Variants in VTA1 observed in about 807,000 individuals in gnomAD.
VTA1 encodes the protein vesicle trafficking 1, also known as vacuolar protein sorting-associated protein VTA1 homolog.
Under a neutral mutation model 36.9 loss-of-function variants are expected in VTA1, and 24 were observed. The ratio of observed to expected loss-of-function variants is 0.65; its 90% CI spans 0.47 to 0.91. VTA1 has a LOEUF of 0.91. VTA1 is among the 40% of genes least tolerant of loss of function. The probability of loss-of-function intolerance (pLI) is 0.00; values close to 1 mark genes in which losing one functional copy is unlikely to be tolerated. For synonymous variants in VTA1, 142 were observed against 130.2 expected (o/e 1.09, Z -0.62); for missense variants, 393 against 377.2 (o/e 1.04, Z -0.35).
chr6:142,192,832 T>TAC (rs1491513845), intron 5 of VTA1, among the ~76,000 whole-genome samples: 1 of 151,876 alleles, frequency 6.6e-6, no homozygotes, highest in Non-Finnish European at 1.5e-5. Context: ...AGGATATCAT[T>TAC]ATATATATAT....
chr6:142,208,351 CAGTG>C (rs1397570347), intron 7 of VTA1, among the ~76,000 whole-genome samples: 1 of 151,874 alleles, frequency 6.6e-6, no homozygotes, highest in African/African-American at 2.4e-5. Context: ...AGAAAAAAAT[CAGTG>C]AGCTCAAAGA....
intron 4 of VTA1, among the ~76,000 whole-genome samples, chr6:142,177,474 G>A (rs551427818): frequency 6.6e-6 from 1 of 152,028 alleles, no homozygotes; most frequent in African/African-American, 2.4e-5. Context: ...AAAGTGCCTA[G>A]CATGTAAGTG....
At chr6:142,188,322 C>G (rs1775387197) in intron 4 of VTA1, among the ~76,000 whole-genome samples, 1 of 130,340 alleles carries the variant, frequency 7.7e-6, no homozygotes, top group Non-Finnish European at 1.6e-5. Flanking sequence ...TCAAGTGATT[C>G]TCCTGCCTCA....
intron 1 of VTA1, among the ~76,000 whole-genome samples, chr6:142,161,081 C>CG (rs1014104349): frequency 1.5e-5 from 2 of 136,662 alleles, no homozygotes; most frequent in East Asian, 2.7e-4. Flanking sequence ...CCTTCCTTCC[C>CG]CCCCCCCCCT....
chr6:142,197,243 A>G (rs1775569108), intron 5 of VTA1, among the ~76,000 whole-genome samples: 1 of 152,316 alleles, frequency 6.6e-6, no homozygotes, highest in Middle Eastern at 3.4e-3. Flanking sequence ...TACATCCACA[A>G]GGTTGCTTGA....
rs1776113294 is a variant in VTA1, at chr6:142,221,702, C to T, written c.*3059C>T. ...GGGGCGGTGGTTCGCACCTGCAATC[C>T]CAGCACTTTGGGAGCCAAGGCAGGC... On this transcript the variant is annotated 3_prime_UTR_variant, in exon 8 of 8. Coordinates refer to ENST00000367630, the MANE Select transcript of VTA1 (RefSeq NM_016485.5). 2.0e-5 allele frequency: 3 copies of T among 151,188 alleles called. No homozygotes were observed. The highest frequency in any genetic ancestry group is 7.3e-5 in the African/African-American group (3 of 41,206). The allele number at this position is 151,188 out of a possible 1,614,324, so 9.4% of individuals were successfully genotyped here. A position where few individuals can be genotyped will look rare whatever the true frequency, so the allele number is the denominator to read the frequency against.
chr6:142,167,733 G>A (rs943275718), intron 2 of VTA1, among the ~76,000 whole-genome samples: 2 of 152,206 alleles, frequency 1.3e-5, no homozygotes, highest in African/African-American at 2.4e-5. Flanking sequence ...TGGCAGCACT[G>A]AGGAAATTCA....
intron 5 of VTA1, among the ~76,000 whole-genome samples, chr6:142,198,117 A>ATGTGTGTGTGTGTGTGTGTGTG (rs1265860816): frequency 7.6e-5 from 6 of 78,634 alleles, no homozygotes; most frequent in African/African-American, 2.4e-4. Flanking sequence ...ATATATATAT[A>ATGTGTGTGTGTGTGTGTGTGTG]TATGTGTGTG....
At chr6:142,173,727 A>G (rs887317254) in intron 4 of VTA1, among the ~76,000 whole-genome samples, 2 of 152,308 alleles carry the variant, frequency 1.3e-5, no homozygotes, top group Non-Finnish European at 2.9e-5. Flanking sequence ...TACATAAGCT[A>G]CATTAATTTA....
intron 7 of VTA1, 114 bp from the exon 8 acceptor site, chr6:142,218,384 C>A: frequency 9.2e-7 from 1 of 1,084,484 alleles, no homozygotes; most frequent in South Asian, 1.6e-5. Flanking sequence ...ACTAAAACTA[C>A]TGTTTTTACA....
chr6:142,178,643 T>C (rs1335088726), intron 4 of VTA1, among the ~76,000 whole-genome samples: 1 of 152,060 alleles, frequency 6.6e-6, no homozygotes, highest in Admixed American at 6.6e-5. Flanking sequence ...CATATATATA[T>C]TTGGCAAACT....
chr6:142,210,494 C>A (rs938135128), intron 7 of VTA1, among the ~76,000 whole-genome samples: 1 of 152,066 alleles, frequency 6.6e-6, no homozygotes, highest in African/African-American at 2.4e-5. Context: ...AAAAGACAAC[C>A]CATGGAATGG....
intron 6 of VTA1, among the ~76,000 whole-genome samples, chr6:142,199,423 T>C (rs1020306914): frequency 6.6e-6 from 1 of 152,148 alleles, no homozygotes; most frequent in Admixed American, 6.5e-5. Flanking sequence ...AAAATTTACT[T>C]TTATCCCAGG....
intron 4 of VTA1, among the ~76,000 whole-genome samples, chr6:142,187,947 G>A (rs1270760998): frequency 7.1e-6 from 1 of 141,024 alleles, no homozygotes; most frequent in Non-Finnish European, 1.5e-5. Context: ...GAGGAGGTCC[G>A]GAGCTGGGCT....
At chr6:142,183,204 T>C (rs1775276014) in intron 4 of VTA1, among the ~76,000 whole-genome samples, 1 of 152,208 alleles carries the variant, frequency 6.6e-6, no homozygotes, top group South Asian at 2.1e-4. Context: ...TGACAAAAGC[T>C]GTTGCAGTGA....
At chr6:142,164,853 T>C (rs954200972) in intron 1 of VTA1, among the ~76,000 whole-genome samples, 1 of 152,184 alleles carries the variant, frequency 6.6e-6, no homozygotes, top group Non-Finnish European at 1.5e-5. Flanking sequence ...AAAATGTTTA[T>C]CAAGGGCCAA....
chr6:142,215,428 G>A (rs1775988834), intron 7 of VTA1, among the ~76,000 whole-genome samples: 1 of 131,624 alleles, frequency 7.6e-6, no homozygotes, highest in Non-Finnish European at 1.6e-5. Context: ...GCGACAGAGT[G>A]AGACTCCATC....
chr6:142,199,289 G>C (rs1275457053), intron 6 of VTA1, among the ~76,000 whole-genome samples: 2 of 152,076 alleles, frequency 1.3e-5, no homozygotes, highest in African/African-American at 4.8e-5. Flanking sequence ...AAGACACTTT[G>C]ACAAAATTTC....
intron 7 of VTA1, among the ~76,000 whole-genome samples, chr6:142,213,155 A>G (rs1334870021): frequency 6.6e-6 from 1 of 152,238 alleles, no homozygotes; most frequent in African/African-American, 2.4e-5. Context: ...GGGTGCAGGC[A>G]CTGGATAAAT....
Sources: allele counts gnomAD v4.1 joint callset (sites outside exome capture counted in the v4.1 genomes callset), GRCh38; gene constraint gnomAD v4.1.1; transcripts MANE v1.5; gene names NCBI Gene and HGNC (gene_info 2026-07-23, HGNC 2026-07-21).